Variants in WDPCP observed in about 807,000 individuals in gnomAD.
The protein encoded by WDPCP is WD repeat-containing and planar cell polarity effector protein fritz homolog.
A neutral mutation model predicts 93.1 loss-of-function variants in WDPCP; 71 were observed. The ratio of observed to expected loss-of-function variants is 0.76; its 90% CI spans 0.63 to 0.93. The LOEUF (loss-of-function observed/expected upper bound fraction) is 0.93. Ranked by LOEUF, WDPCP falls within the 40% of genes least tolerant of loss-of-function variation. The pLI, the probability that WDPCP is intolerant of heterozygous loss-of-function variation, is 0.00. For missense variants in WDPCP, 844 were observed against 887.4 expected, an observed-to-expected ratio of 0.95 and a Z score of 0.62; for synonymous variants, 315 against 315.0, an observed-to-expected ratio of 1.00 and a Z score of 0.00.
chr2:63,126,124 G>T (rs1669885017), intron 17 of WDPCP, among the ~76,000 whole-genome samples: 1 of 151,580 alleles, frequency 6.6e-6, no homozygotes, highest in African/African-American at 2.4e-5. Context: ...TGTAGAGACA[G>T]GGTTTCACCA....
chr2:63,223,143 G>A (rs952395522), intron 14 of WDPCP, among the ~76,000 whole-genome samples: 1 of 152,060 alleles, frequency 6.6e-6, no homozygotes, highest in Non-Finnish European at 1.5e-5. Flanking sequence ...CATTTTAAAT[G>A]AGAAAGCTAG....
intron 3 of WDPCP, among the ~76,000 whole-genome samples, chr2:63,627,892 C>T (rs1033990571): frequency 6.6e-6 from 1 of 152,216 alleles, no homozygotes; most frequent in African/African-American, 2.4e-5. Context: ...CTCTGCCCTC[C>T]TGGTGGAGAG....
Position 63,381,905 on chromosome 2 carries a change from C to A in WDPCP, c.1624+1G>T. The A allele has an allele frequency of 6.2e-7, 1 of 1,613,110 alleles. No homozygotes were observed. The highest frequency in any genetic ancestry group is 8.5e-7 in the Non-Finnish European group (1 of 1,179,432). On this transcript the variant is annotated splice_donor_variant, in intron 11 of 17. Transcript: ENST00000272321. LOFTEE classifies it high-confidence loss of function. Reference sequence around the variant, plus strand: ...TCAATGAAAAATATTTCAAGTCTGACCTTCTCTCTCTGGAGTGAGCTTCTG... The same window carrying A: ...TCAATGAAAAATATTTCAAGTCTGAACTTCTCTCTCTGGAGTGAGCTTCTG...
intron 14 of WDPCP, among the ~76,000 whole-genome samples, chr2:63,213,356 CCTT>C (rs1677006443): frequency 6.6e-6 from 1 of 152,214 alleles, no homozygotes; most frequent in Non-Finnish European, 1.5e-5. Context: ...AACTGAACAA[CCTT>C]CTCCTGAATG....
intron 2 of WDPCP, among the ~76,000 whole-genome samples, chr2:63,665,244 G>C (rs1402728040): frequency 1.3e-5 from 2 of 152,190 alleles, no homozygotes; most frequent in Non-Finnish European, 2.9e-5. Context: ...GGTGTTAGTA[G>C]TGTTGGTTTC....
At chr2:63,682,744 A>C (rs761359094) in intron 2 of WDPCP, among the ~76,000 whole-genome samples, 1 of 152,154 alleles carries the variant, frequency 6.6e-6, no homozygotes, top group Non-Finnish European at 1.5e-5. Context: ...ATCAAAGATA[A>C]ATAAGGGATC....
At chr2:63,671,165 G>A (rs867708884) in intron 2 of WDPCP, among the ~76,000 whole-genome samples, 20 of 152,074 alleles carry the variant, frequency 1.3e-4, no homozygotes, top group African/African-American at 4.3e-4. Flanking sequence ...ATCTCTGACT[G>A]CCATGAGGTG....
Position 63,573,869 on chromosome 2 carries a change from G to A in WDPCP, c.75+14328C>T, listed in dbSNP as rs935390329. On this transcript the variant is annotated intron_variant, in intron 1 of 17. Transcript: ENST00000272321. ...TCCCTGAGGGTAGGCCTCTAAAATG[G>A]CCGCTTCAGGGGGCAGCCGTCTTTT... 8.6e-5 allele frequency among the ~76,000 whole-genome samples: 13 copies of A among 152,036 alleles called. No individual in the cohort carries two copies. The South Asian group carries it at 1.5e-3, about 17-fold the overall frequency.
At chr2:63,209,607 T>C (rs1676609151) in intron 14 of WDPCP, among the ~76,000 whole-genome samples, 1 of 152,184 alleles carries the variant, frequency 6.6e-6, no homozygotes, top group African/African-American at 2.4e-5. Flanking sequence ...CTAAAGCTTG[T>C]TGTAGATGCT....
intron 14 of WDPCP, among the ~76,000 whole-genome samples, chr2:63,192,198 CAG>C (rs1675103237): frequency 6.6e-6 from 1 of 152,116 alleles, no homozygotes; most frequent in Admixed American, 6.5e-5. Flanking sequence ...GTGAAAAACT[CAG>C]GAGACCAGGG....
At chr2:63,715,143 C>G (rs1240174330) in intron 2 of WDPCP, among the ~76,000 whole-genome samples, 2 of 152,024 alleles carry the variant, frequency 1.3e-5, no homozygotes, top group Non-Finnish European at 2.9e-5. Flanking sequence ...GTTTCTAGGG[C>G]CTTGTGGTAA....
intron 14 of WDPCP, among the ~76,000 whole-genome samples, chr2:63,212,176 G>A (rs10188700): frequency 0.15 from 23,028 of 152,060 alleles, 2,043 homozygotes; most frequent in Middle Eastern, 0.22. Context: ...CAGATTCACC[G>A]AAGTTGAAAT....
rs182372635 is a variant in WDPCP at position 63,291,747 on chromosome 2, T to G, written c.1812+21501A>C. On this transcript the variant is annotated intron_variant, in intron 13 of 17. Transcript: ENST00000272321. ...TTACTTGAATGCAGGAGGCAGAGGT[T>G]GCAGTGAGCTGAGATTGTGCCATTG... Among the ~76,000 whole-genome samples the G allele has an allele frequency of 1.6e-3, 237 of 151,264 alleles. 1 individual carries two copies. Among genetic ancestry groups the G allele is most frequent in the African/African-American group, 5.1e-3 (210 of 41,216 alleles).
At chr2:63,724,904 T>G (rs188382198) in intron 2 of WDPCP, among the ~76,000 whole-genome samples, 2 of 152,286 alleles carry the variant, frequency 1.3e-5, no homozygotes, top group Admixed American at 1.3e-4. Context: ...CAACTCATAT[T>G]TGCTTCTTGA....
chr2:63,254,302 T>A (rs1312514868), intron 14 of WDPCP, among the ~76,000 whole-genome samples: 1 of 152,112 alleles, frequency 6.6e-6, no homozygotes, highest in African/African-American at 2.4e-5. Context: ...ATGGGGATCA[T>A]TCATACCCCA....
At chr2:63,651,929 T>A (rs1168669588) in intron 2 of WDPCP, among the ~76,000 whole-genome samples, 1 of 152,228 alleles carries the variant, frequency 6.6e-6, no homozygotes, top group African/African-American at 2.4e-5. Context: ...ATGCTTCTTA[T>A]CTGGCCGTGT....
At position 63,200,028 on chromosome 2, in the gene WDPCP, G is replaced by A. The variant is rs556133258; in HGVS notation, c.1916-25196C>T. 3.3e-5 allele frequency among the ~76,000 whole-genome samples: 5 copies of A among 152,308 alleles called. No individual in the cohort carries two copies. The South Asian group carries it at 8.3e-4, about 25-fold the overall frequency. ...GGGAGATTATTTTGGAGCTTTAAGA[G>A]CTAATGACTGCTCTGGTGGGTTTCA... On this transcript the variant is annotated intron_variant, in intron 14 of 17. Transcript: ENST00000272321.
At chr2:63,626,359 G>A (rs1709811034) in intron 3 of WDPCP, among the ~76,000 whole-genome samples, 2 of 152,142 alleles carry the variant, frequency 1.3e-5, no homozygotes, top group African/African-American at 4.8e-5. Flanking sequence ...AAACCTAAGA[G>A]CTTCTGCACA....
intron 10 of WDPCP, among the ~76,000 whole-genome samples, chr2:63,384,893 C>A (rs1219800912): frequency 6.6e-6 from 1 of 151,806 alleles, no homozygotes; most frequent in South Asian, 2.1e-4. Flanking sequence ...AAACTACAGA[C>A]CAATATTTCC....
Sources: allele counts gnomAD v4.1 joint callset (sites outside exome capture counted in the v4.1 genomes callset), GRCh38; gene constraint gnomAD v4.1.1; transcripts MANE v1.5; gene names NCBI Gene and HGNC (gene_info 2026-07-23, HGNC 2026-07-21).